ZNF44: variants seen among roughly 807,000 people sequenced by gnomAD.
The protein encoded by ZNF44 is zinc finger protein 44, also known as gonadotropin inducible transcription repressor-2.
ZNF44 carries 9 observed loss-of-function variants against 11.7 expected under a neutral mutation model. The observed-to-expected ratio is 0.77, with a 90% CI of 0.46 to 1.35. The LOEUF is 1.35. Ranked by LOEUF, ZNF44 falls within the 40% of genes most tolerant of loss-of-function variation. ZNF44 has a pLI of 0.00. For synonymous variants in ZNF44, 224 were observed against 242.7 expected (o/e 0.92, Z 0.72); for missense variants, 696 against 743.1 (o/e 0.94, Z 0.74).
chr19:12,270,921 G>A (rs1477792998), downstream of ZNF44, among the ~76,000 whole-genome samples: 1 of 152,132 alleles, frequency 6.6e-6, no homozygotes, highest in Admixed American at 6.5e-5. Context: ...ATTGGAGTGA[G>A]GGAGTAAGTG....
At chr19:12,231,537 C>A (rs184580305) in intron 2 of ZNF44, among the ~76,000 whole-genome samples, 1 of 152,278 alleles carries the variant, frequency 6.6e-6, no homozygotes, top group East Asian at 1.9e-4. Context: ...TGCAACAGAT[C>A]ATGAGACATT....
chr19:12,262,468 A>G (rs1917547357), intron 5 of ZNF44, among the ~76,000 whole-genome samples: 1 of 151,966 alleles, frequency 6.6e-6, no homozygotes, highest in Admixed American at 6.6e-5. Context: ...ACAGGGTTTC[A>G]CTGTGTTAGC....
At chr19:12,279,845 G>A (rs1415970357) in intron 1 of ZNF44, among the ~76,000 whole-genome samples, 1 of 130,962 alleles carries the variant, frequency 7.6e-6, no homozygotes, top group African/African-American at 3.0e-5. Context: ...TAAAACAATT[G>A]AAATTACCTG....
At chr19:12,260,452 C>A in intron 5 of ZNF44, 1 of 1,395,236 alleles carries the variant, frequency 7.2e-7, no homozygotes, top group Non-Finnish European at 1.0e-6. Flanking sequence ...CGCATGGCAG[C>A]CATCCGCAGG....
In ZNF44 at chr19:12,272,766, T is replaced by A. The variant is rs374568983; in HGVS notation, c.1489A>T (p.Thr497Ser). The part of the protein sequence containing the change: ...SFKYFCRHER[T>S]HSEEKSYECQ... ...TCATAAGATTTTTCTTCACTGTGAG[T>A]CCTTTCATGGCGACAAAAGTATTTA... The change falls in exon 4 of 4, where the codon ACT becomes TCT. Residue 497 changes from threonine to serine, a missense_variant. By Grantham distance (58) the Thr-to-Ser change is moderately conservative. Coordinates refer to ENST00000355684, the MANE Select transcript of ZNF44 (RefSeq NM_016264.4). 287 of 1,613,804 alleles carry A rather than the reference T, an allele frequency of 1.8e-4. No homozygotes were observed. Among genetic ancestry groups the A allele is most frequent in the Non-Finnish European group, 2.4e-4 (281 of 1,179,880 alleles).
intron 5 of ZNF44, chr19:12,250,850 A>G: frequency 2.2e-6 from 1 of 456,180 alleles, no homozygotes; most frequent in Non-Finnish European, 4.4e-6. Context: ...ACTTGTAACA[A>G]TATTTACCTG....
intron 1 of ZNF44, among the ~76,000 whole-genome samples, chr19:12,282,541 C>T (rs2145748729): frequency 6.6e-6 from 1 of 151,716 alleles, no homozygotes; most frequent in Non-Finnish European, 1.5e-5. Context: ...CCTGCCTCAG[C>T]CTCTCGAGCA....
chr19:12,274,117 T>A (rs2145727436), intron 3 of ZNF44, 54 bp from the exon 4 acceptor site: 1 of 1,447,918 alleles, frequency 6.9e-7, no homozygotes, highest in East Asian at 2.3e-5. Flanking sequence ...TTTATATTTA[T>A]CAACAGGTAT....
At chr19:12,285,555 G>T (rs768241521) in intron 1 of ZNF44, among the ~76,000 whole-genome samples, 2 of 152,082 alleles carry the variant, frequency 1.3e-5, no homozygotes, top group Non-Finnish European at 2.9e-5. Flanking sequence ...CACCCGGCCT[G>T]GTCAGACAGT....
At chr19:12,253,021 G>T (rs961705579) in intron 5 of ZNF44, among the ~76,000 whole-genome samples, 1 of 151,072 alleles carries the variant, frequency 6.6e-6, no homozygotes, top group African/African-American at 2.4e-5. Flanking sequence ...CCAAGTAGCT[G>T]GGACTATGGG....
At chr19:12,281,337 A>G (rs1410938058) in intron 1 of ZNF44, among the ~76,000 whole-genome samples, 1 of 152,228 alleles carries the variant, frequency 6.6e-6, no homozygotes, top group Non-Finnish European at 1.5e-5. Flanking sequence ...CAACTACACA[A>G]ACTTCAAGGA....
chr19:12,275,605 C>T (rs1967186160), intron 2 of ZNF44, among the ~76,000 whole-genome samples: 1 of 151,934 alleles, frequency 6.6e-6, no homozygotes, highest in East Asian at 1.9e-4. Context: ...AAGATGGAGC[C>T]ACTGCACTCC....
intron 5 of ZNF44, among the ~76,000 whole-genome samples, chr19:12,262,504 C>CAA (rs1917550454): frequency 6.6e-6 from 1 of 152,158 alleles, no homozygotes; most frequent in East Asian, 1.9e-4. Flanking sequence ...CTCCTGACCT[C>CAA]ATGATCTGCC....
chr19:12,272,744 T>C lies in ZNF44; in HGVS notation c.1511A>G (p.Tyr504Cys). The change falls in exon 4 of 4, where the codon TAT (tyrosine) becomes TGT (cysteine). Residue 504 changes from tyrosine to cysteine, a missense_variant. Physicochemically the swap from Tyr to Cys is radical, Grantham distance 194. Transcript: ENST00000355684. Reference protein sequence around the residue: ...HERTHSEEKSYECQICGKAFS... With the variant: ...HERTHSEEKSCECQICGKAFS... ...GGCTTTGCCACAAATTTGACACTCA[T>C]AAGATTTTTCTTCACTGTGAGTCCT... 6.2e-7 allele frequency: 1 copy of C among 1,613,600 alleles called. No individual in the cohort carries two copies. Among genetic ancestry groups the C allele is most frequent in the Non-Finnish European group, 8.5e-7 (1 of 1,179,572 alleles).
chr19:12,255,129 CA>C (rs1568431188), intron 5 of ZNF44, among the ~76,000 whole-genome samples: 170 of 148,026 alleles, frequency 1.1e-3, no homozygotes, highest in African/African-American at 3.6e-3. Context: ...CACACACACA[CA>C]CACCCCTTTG....
At chr19:12,247,555 G>A (rs757475007), downstream of ZNF44, 49 of 1,346,862 alleles carry the variant, frequency 3.6e-5, no homozygotes, top group Non-Finnish European at 4.7e-5. Flanking sequence ...GTTCTTTCAT[G>A]TATCTGGAAA....
chr19:12,289,264 C>A (rs1967900288), intron 1 of ZNF44, among the ~76,000 whole-genome samples: 1 of 152,028 alleles, frequency 6.6e-6, no homozygotes, highest in Non-Finnish European at 1.5e-5. Context: ...GCTGTGATGG[C>A]CCCACTGCAC....
intron 5 of ZNF44, among the ~76,000 whole-genome samples, chr19:12,253,102 T>C (rs1917087660): frequency 6.6e-6 from 1 of 151,768 alleles, no homozygotes; most frequent in African/African-American, 2.4e-5. Context: ...GTTGGCCAGC[T>C]AGTCTCGAAC....
exon 8 of ZNF44, chr19:12,248,497 A>G (rs750192281): frequency 5.1e-5 from 66 of 1,290,736 alleles, no homozygotes; most frequent in Non-Finnish European, 6.7e-5. Flanking sequence ...TGTCTGGTGT[A>G]AGATCTAATG....
Sources: gnomAD v4.1 joint callset for allele counts (sites outside exome capture counted in the v4.1 genomes callset) on GRCh38, gnomAD v4.1.1 for gene constraint, MANE v1.5 for transcripts, NCBI Gene and HGNC (gene_info 2026-07-23, HGNC 2026-07-21) for gene names.